Variants in C10orf71 observed in about 807,000 individuals in gnomAD.
C10orf71 encodes the protein cardiac-enriched FHL2-interacting protein.
For synonymous variants in C10orf71, 758 were observed against 726.3 expected (o/e 1.04, Z -0.70); for missense variants, 1,869 against 1,804.5 (o/e 1.04, Z -0.65).
Position 49,324,801 on chromosome 10 carries a change from G to A in C10orf71, c.2256G>A (p.Gln752=). ...AGAAGATGTGGTTTACTGAGAACCA[G>A]CGGGAAGACAGGAGGAAGGATGTGA... ...DQQKMWFTEN[Q]REDRRKDVSA... The change falls in exon 3 of 3, where the codon CAG becomes CAA. Residue 752 remains glutamine, a synonymous_variant. Transcript: ENST00000374144. 1 of 1,552,218 alleles carries A rather than the reference G, an allele frequency of 6.4e-7. No homozygotes were observed. Among genetic ancestry groups the A allele is most frequent in the Non-Finnish European group, 8.7e-7 (1 of 1,147,146 alleles).
intron 1 of C10orf71, among the ~76,000 whole-genome samples, chr10:49,309,250 T>C (rs1848869647): frequency 1.3e-5 from 2 of 152,144 alleles, no homozygotes; most frequent in South Asian, 2.1e-4. Flanking sequence ...TGGAATGGTA[T>C]TAGGAGATGG....
chr10:49,327,243 C>T lies in C10orf71; in HGVS notation c.*390C>T. On this transcript the variant is annotated 3_prime_UTR_variant, in exon 3 of 3. Coordinates refer to ENST00000374144, the MANE Select transcript of C10orf71 (RefSeq NM_001135196.2). Reference sequence around the variant, plus strand: ...CTGGTCCCAAGTGTCCCTCTGTACCCACACCCACCCACTCACTTGTAAGCT... The same window carrying T: ...CTGGTCCCAAGTGTCCCTCTGTACCTACACCCACCCACTCACTTGTAAGCT... 5.5e-6 allele frequency: 2 copies of T among 366,364 alleles called. No individual in the cohort carries two copies. Among genetic ancestry groups the T allele is most frequent in the Non-Finnish European group, 1.1e-5 (2 of 181,602 alleles). 22.7% of individuals were successfully genotyped at this position (366,364 alleles called of 1,614,324 possible). A position where few individuals can be genotyped will look rare whatever the true frequency, so the allele number is the denominator to read the frequency against.
chr10:49,325,912 T>A lies in C10orf71; in HGVS notation c.3367T>A (p.Ser1123Thr), dbSNP rs1273320708. Residue 1123 changes from serine to threonine, a missense_variant, in exon 3 of 3, where the codon TCT (serine) becomes ACT (threonine). Transcript: ENST00000374144. ...LTHALVWEGG[S>T]DPLLELSAED... ...CCACGCCCTCGTGTGGGAGGGCGGC[T>A]CTGACCCCCTACTTGAGCTGTCGGC... 6.4e-7 allele frequency: 1 copy of A among 1,550,760 alleles called. No individual in the cohort carries two copies. Among genetic ancestry groups the A allele is most frequent in the South Asian group, 1.2e-5 (1 of 84,030 alleles).
intron 1 of C10orf71, among the ~76,000 whole-genome samples, chr10:49,300,630 G>A (rs954289893): frequency 6.6e-6 from 1 of 152,188 alleles, no homozygotes; most frequent in African/African-American, 2.4e-5. Context: ...CACGGTGCTG[G>A]GAGGGTTAGC....
chr10:49,301,553 G>C (rs995112045), intron 1 of C10orf71, among the ~76,000 whole-genome samples: 2 of 152,192 alleles, frequency 1.3e-5, no homozygotes, highest in Non-Finnish European at 2.9e-5. Context: ...CCCAATTTAA[G>C]TCATTGGTAT....
At chr10:49,317,650 A>C in intron 2 of C10orf71, among the ~76,000 whole-genome samples, 1 of 152,172 alleles carries the variant, frequency 6.6e-6, no homozygotes, top group East Asian at 1.9e-4. Context: ...TGGGAGTTCA[A>C]GACAAGCCAG....
At chr10:49,303,292 G>A (rs1848758376) in intron 1 of C10orf71, among the ~76,000 whole-genome samples, 1 of 152,210 alleles carries the variant, frequency 6.6e-6, no homozygotes, top group Non-Finnish European at 1.5e-5. Flanking sequence ...TTCAGCACAT[G>A]GGGTGGATGG....
intron 1 of C10orf71, among the ~76,000 whole-genome samples, chr10:49,304,797 C>A (rs1203706774): frequency 6.6e-6 from 1 of 152,224 alleles, no homozygotes; most frequent in Non-Finnish European, 1.5e-5. Context: ...AAACAAATGT[C>A]TCTTCCTCCA....
At chr10:49,300,074 G>A (rs34471385) in intron 1 of C10orf71, among the ~76,000 whole-genome samples, 1 of 152,234 alleles carries the variant, frequency 6.6e-6, no homozygotes, top group South Asian at 2.1e-4. Context: ...GAGAACGGCA[G>A]TGGTCAATGT....
At chr10:49,318,940 T>C (rs1196173422) in intron 2 of C10orf71, among the ~76,000 whole-genome samples, 2 of 152,192 alleles carry the variant, frequency 1.3e-5, no homozygotes, top group Non-Finnish European at 2.9e-5. Context: ...GCCTCCCTGA[T>C]GGGAGTGCCT....
Position 49,323,973 on chromosome 10 carries a change from C to T in C10orf71, c.1428C>T (p.Asn476=), listed in dbSNP as rs374214345. The T allele has an allele frequency of 4.0e-5, 65 of 1,613,666 alleles. No homozygotes were observed. The highest frequency in any genetic ancestry group is 2.0e-4 in the South Asian group (18 of 91,030). The change falls in exon 3 of 3, where the codon AAC becomes AAT. Residue 476 remains asparagine (N), a synonymous_variant. Coordinates refer to ENST00000374144, the MANE Select transcript of C10orf71 (RefSeq NM_001135196.2). ...ERTPSPPGQL[N]GYQEKEPSEC... ...CCCCATCACCCCCAGGACAGCTAAA[C>T]GGATACCAAGAGAAGGAGCCCAGTG...
At position 49,324,708 on chromosome 10, in the gene C10orf71, C is replaced by T. The variant is rs1372274406; in HGVS notation, c.2163C>T (p.Ser721=). 1.3e-6 allele frequency: 2 copies of T among 1,599,438 alleles called. No individual in the cohort carries two copies. The highest frequency in any genetic ancestry group is 2.7e-5 in the African/African-American group (2 of 74,612). ...YSDSQSDFMP[S]LKGKAKFSTS... ...ACAGCCAATCCGATTTTATGCCAAG[C>T]CTCAAAGGTAAGGCCAAATTCAGCA... The change falls in exon 3 of 3, where the codon AGC becomes AGT. Residue 721 remains serine (S), a synonymous_variant. Coordinates refer to ENST00000374144, the MANE Select transcript of C10orf71 (RefSeq NM_001135196.2).
upstream of C10orf71, among the ~76,000 whole-genome samples, chr10:49,297,167 G>A (rs891442042): frequency 6.6e-6 from 1 of 152,248 alleles, no homozygotes; most frequent in Non-Finnish European, 1.5e-5. Flanking sequence ...AGCTGGGGAA[G>A]GAAGGTGCTG....
At position 49,307,570 on chromosome 10, in the gene C10orf71, G is replaced by A. The variant is rs1463843407; in HGVS notation, c.-248+8337G>A. ...GACTCTACCCAAGTTTAAGCAGTGC[G>A]AGCTCCGGAGCCTGCTGGGATGCAG... On this transcript the variant is annotated intron_variant, in intron 1 of 2. Coordinates refer to ENST00000374144, the MANE Select transcript of C10orf71 (RefSeq NM_001135196.2). 2.6e-5 allele frequency among the ~76,000 whole-genome samples: 4 copies of A among 152,202 alleles called. No homozygotes were observed. The East Asian group carries it at 5.8e-4, about 22-fold the overall frequency.
At chr10:49,306,715 C>A (rs1203560956) in intron 1 of C10orf71, among the ~76,000 whole-genome samples, 2 of 152,222 alleles carry the variant, frequency 1.3e-5, no homozygotes. Flanking sequence ...GGTCCACTTA[C>A]TTGCAGATGA....
Position 49,322,536 on chromosome 10 carries a change from G to A in C10orf71, c.-10G>A, listed in dbSNP as rs374201230. ...CCGGCTGACAAGGACAGCTTTCTTGGAGCCAACAGATGATGCAAGGAAATA... is the reference window on the plus strand; with the variant it reads ...CCGGCTGACAAGGACAGCTTTCTTGAAGCCAACAGATGATGCAAGGAAATA... On this transcript the variant is annotated 5_prime_UTR_variant, in exon 3 of 3. Coordinates refer to ENST00000374144, the MANE Select transcript of C10orf71 (RefSeq NM_001135196.2). 3 of 1,590,834 alleles carry A rather than the reference G, an allele frequency of 1.9e-6. No homozygotes were observed. The highest frequency in any genetic ancestry group is 2.6e-6 in the Non-Finnish European group (3 of 1,165,368).
chr10:49,297,172 G>T (rs1848653190), upstream of C10orf71, among the ~76,000 whole-genome samples: 1 of 152,244 alleles, frequency 6.6e-6, no homozygotes, highest in Non-Finnish European at 1.5e-5. Context: ...GGGAAGGAAG[G>T]TGCTGAGGAG....
intron 1 of C10orf71, among the ~76,000 whole-genome samples, chr10:49,314,178 C>T (rs566212927): frequency 6.6e-6 from 1 of 152,158 alleles, no homozygotes; most frequent in African/African-American, 2.4e-5. Flanking sequence ...GGGGGCCAGA[C>T]ATTAAAGGCC....
intron 2 of C10orf71, among the ~76,000 whole-genome samples, chr10:49,321,803 T>C (rs1849097753): frequency 1.3e-5 from 2 of 152,240 alleles, no homozygotes; most frequent in Non-Finnish European, 1.5e-5. Flanking sequence ...TGATGGTTAG[T>C]GATGGTGAGC....
Sources: allele counts gnomAD v4.1 joint callset (sites outside exome capture counted in the v4.1 genomes callset), GRCh38; gene constraint gnomAD v4.1.1; transcripts MANE v1.5; gene names NCBI Gene and HGNC (gene_info 2026-07-23, HGNC 2026-07-21).